POSTN: variants seen among roughly 807,000 people sequenced by gnomAD.
The protein encoded by POSTN is periostin.
A neutral mutation model predicts 104.5 loss-of-function variants in POSTN; 71 were observed. That is an observed-to-expected ratio of 0.68 (90% CI 0.56 to 0.83). The LOEUF (loss-of-function observed/expected upper bound fraction) is 0.83. POSTN is among the 40% of genes least tolerant of loss of function. POSTN has a pLI of 0.00. For missense variants in POSTN, 949 were observed against 1,006.8 expected (o/e 0.94, Z 0.78); for synonymous variants, 355 against 340.7 (o/e 1.04, Z -0.46).
At chr13:37,590,895 G>A (rs575705943) in intron 3 of POSTN, among the ~76,000 whole-genome samples, 2 of 151,930 alleles carry the variant, frequency 1.3e-5, no homozygotes, top group South Asian at 4.2e-4. Flanking sequence ...AAAATATGTA[G>A]GCCTGCTTGT....
At chr13:37,592,198 G>T in intron 2 of POSTN, 34 bp from the exon 3 acceptor site, 1 of 1,221,956 alleles carries the variant, frequency 8.2e-7, no homozygotes, top group Non-Finnish European at 1.2e-6. Flanking sequence ...ATTAAAATGA[G>T]AAACTAAATA....
In POSTN at chr13:37,579,819, C is replaced by G. The variant is rs1442864758; in HGVS notation, c.1660+42G>C. On this transcript the variant is annotated intron_variant, in intron 12 of 22. Coordinates refer to ENST00000379747, the MANE Select transcript of POSTN (RefSeq NM_006475.3). ...GAAAGCTTGAGAAAGAAGTGAGATC[C>G]TGAAATGAAAGGGAAAATATCTGGA... 7 of 1,588,510 alleles carry G rather than the reference C, an allele frequency of 4.4e-6. No homozygotes were observed. The South Asian group carries it at 8.1e-5, about 18-fold the overall frequency.
intron 21 of POSTN, among the ~76,000 whole-genome samples, chr13:37,568,131 C>A (rs563539445): frequency 1.3e-5 from 2 of 151,932 alleles, no homozygotes; most frequent in Non-Finnish European, 2.9e-5. Context: ...TTGTTAGATC[C>A]TACAGGAATC....
intron 4 of POSTN, among the ~76,000 whole-genome samples, chr13:37,589,149 G>C (rs948815317): frequency 1.3e-5 from 2 of 152,082 alleles, no homozygotes; most frequent in South Asian, 2.1e-4. Flanking sequence ...GATGCAGATG[G>C]TATATCCAAG....
chr13:37,563,057 G>T lies in POSTN; in HGVS notation c.*276C>A, dbSNP rs1240031010. 15 of 252,460 alleles carry T rather than the reference G, an allele frequency of 5.9e-5. No individual in the cohort carries two copies. The highest frequency in any genetic ancestry group is 9.0e-5 in the Non-Finnish European group (12 of 133,080). 15.6% of individuals were successfully genotyped at this position (252,460 alleles called of 1,614,324 possible). A position where few individuals can be genotyped will look rare whatever the true frequency, so the allele number is the denominator to read the frequency against. ...TGGTGACAAGGATTTTTCTCTAATGGATTCCAAAGTTAGCCAGAACTTTTA... is the reference window on the plus strand; with the variant it reads ...TGGTGACAAGGATTTTTCTCTAATGTATTCCAAAGTTAGCCAGAACTTTTA... On this transcript the variant is annotated 3_prime_UTR_variant, in exon 23 of 23. Coordinates refer to ENST00000379747, the MANE Select transcript of POSTN (RefSeq NM_006475.3).
At chr13:37,576,783 G>C (rs1950422425) in intron 16 of POSTN, among the ~76,000 whole-genome samples, 1 of 151,916 alleles carries the variant, frequency 6.6e-6, no homozygotes, top group South Asian at 2.1e-4. Flanking sequence ...GAGCTGGCCT[G>C]ATCCTGGAAT....
chr13:37,597,984 G>A (rs564511951), intron 1 of POSTN, among the ~76,000 whole-genome samples: 7 of 152,106 alleles, frequency 4.6e-5, no homozygotes, highest in African/African-American at 1.2e-4. Context: ...GCCAAGATCC[G>A]CTTAAAAAAT....
intron 12 of POSTN, among the ~76,000 whole-genome samples, chr13:37,579,592 C>T (rs907474780): frequency 1.3e-5 from 2 of 152,168 alleles, no homozygotes; most frequent in African/African-American, 4.8e-5. Context: ...TAAATTATAA[C>T]TGTTTTCTTC....
intron 15 of POSTN, 135 bp from the exon 16 acceptor site, chr13:37,577,933 T>G (rs1950462442): frequency 1.4e-6 from 2 of 1,419,126 alleles, no homozygotes; most frequent in Admixed American, 2.5e-5. Flanking sequence ...AGTCCTCATA[T>G]AAATCATCTT....
chr13:37,572,318 A>G (rs925299486), intron 17 of POSTN, among the ~76,000 whole-genome samples: 1 of 147,436 alleles, frequency 6.8e-6, no homozygotes, highest in Non-Finnish European at 1.5e-5. Flanking sequence ...GTCAATGTAC[A>G]TGATTACCAA....
At chr13:37,573,272 T>C (rs978247649) in intron 17 of POSTN, among the ~76,000 whole-genome samples, 12 of 151,530 alleles carry the variant, frequency 7.9e-5, no homozygotes, top group Admixed American at 3.3e-4. Context: ...CAAAGATCAT[T>C]GTGTCATGTT....
At position 37,579,010 on chromosome 13, in the gene POSTN, A is replaced by G. The variant is rs780708297; in HGVS notation, c.1894+9T>C. ...ACTTAGCCTATCAATGAGTTCAATA[A>G]TTACAAACCTGCTGGATAGAGGAGT... On this transcript the variant is annotated intron_variant, in intron 14 of 22. Transcript: ENST00000379747. 1.8e-5 allele frequency: 29 copies of G among 1,611,078 alleles called. No individual in the cohort carries two copies. Among genetic ancestry groups the G allele is most frequent in the Non-Finnish European group, 2.4e-5 (28 of 1,178,924 alleles).
intron 22 of POSTN, among the ~76,000 whole-genome samples, chr13:37,563,620 T>C (rs1366243283): frequency 6.6e-6 from 1 of 152,128 alleles, no homozygotes; most frequent in East Asian, 1.9e-4. Context: ...GATATTTACA[T>C]AGATTTACTG....
chr13:37,584,975 A>G, intron 7 of POSTN, 47 bp from the exon 8 acceptor site: 1 of 1,601,542 alleles, frequency 6.2e-7, no homozygotes, highest in Non-Finnish European at 8.5e-7. Context: ...AAGGGAAATA[A>G]CATTTGACCC....
chr13:37,592,964 G>A (rs1950984729), intron 2 of POSTN, among the ~76,000 whole-genome samples: 2 of 151,802 alleles, frequency 1.3e-5, no homozygotes, highest in South Asian at 4.2e-4. Flanking sequence ...ATAAAATAAT[G>A]CCATATTTGG....
At chr13:37,585,239 T>C (rs1177233235) in intron 7 of POSTN, among the ~76,000 whole-genome samples, 1 of 152,194 alleles carries the variant, frequency 6.6e-6, no homozygotes, top group Non-Finnish European at 1.5e-5. Context: ...AAAGCAAGAA[T>C]TGTTCCTTTC....
In POSTN at chr13:37,569,323, T is replaced by C; in HGVS notation, c.2408A>G (p.Glu803Gly). 3 of 1,612,704 alleles carry C rather than the reference T, an allele frequency of 1.9e-6. No individual in the cohort carries two copies. Among genetic ancestry groups the C allele is most frequent in the Non-Finnish European group, 2.5e-6 (3 of 1,178,980 alleles). ...GGDGHLFEDE[E>G]IKRLLQGDTP... ...ACCTCCCTGAAGCAGTCTTTTAATT[T>C]CTTCATCTTCAAATAAATGACCATC... Residue 803 changes from glutamate (E) to glycine (G), a missense_variant, in exon 21 of 23, where the codon GAA (glutamate) becomes GGA (glycine). Transcript: ENST00000379747.
At chr13:37,564,803 T>A (rs1007563354) in intron 21 of POSTN, 2 of 330,382 alleles carry the variant, frequency 6.1e-6, no homozygotes, top group Non-Finnish European at 1.1e-5. Flanking sequence ...CATTGTTTCA[T>A]TATGGATTTT....
chr13:37,580,266 A>G lies in POSTN; in HGVS notation c.1530-275T>C, dbSNP rs375123669. ...AAAAAAGAAGCATTTTTATCATGTAATACTCTACAAGATAGTCTTTGCTAT... is the reference window on the plus strand; with the variant it reads ...AAAAAAGAAGCATTTTTATCATGTAGTACTCTACAAGATAGTCTTTGCTAT... On this transcript the variant is annotated intron_variant, in intron 11 of 22. Transcript: ENST00000379747. 2.6e-5 allele frequency among the ~76,000 whole-genome samples: 4 copies of G among 152,324 alleles called. No individual in the cohort carries two copies. The East Asian group carries it at 7.7e-4, about 29-fold the overall frequency.
Sources: allele counts gnomAD v4.1 joint callset (sites outside exome capture counted in the v4.1 genomes callset), GRCh38; gene constraint gnomAD v4.1.1; transcripts MANE v1.5; gene names NCBI Gene and HGNC (gene_info 2026-07-23, HGNC 2026-07-21).